Variants in TFCP2L1 observed in about 807,000 individuals in gnomAD.
The protein encoded by TFCP2L1 is transcription factor CP2 like 1, also known as transcription factor CP2-like protein 1.
A neutral mutation model predicts 72.2 loss-of-function variants in TFCP2L1; 12 were observed. That is an observed-to-expected ratio of 0.17 (90% CI 0.11 to 0.27). The LOEUF (loss-of-function observed/expected upper bound fraction) is 0.27. Ranked by LOEUF, TFCP2L1 falls within the 10% of genes least tolerant of loss-of-function variation. The pLI, the probability that TFCP2L1 is intolerant of heterozygous loss-of-function variation, is 1.00. For missense variants in TFCP2L1, 488 were observed against 624.6 expected (o/e 0.78, Z 2.33); for synonymous variants, 260 against 251.0 (o/e 1.04, Z -0.34).
chr2:121,251,669 CT>C (rs1463169508), intron 2 of TFCP2L1, among the ~76,000 whole-genome samples: 1 of 152,124 alleles, frequency 6.6e-6, no homozygotes, highest in Non-Finnish European at 1.5e-5. Flanking sequence ...TGCTGACAGG[CT>C]ATTTCAAGTG....
At chr2:121,246,092 G>A (rs915150912) in intron 6 of TFCP2L1, among the ~76,000 whole-genome samples, 3 of 152,218 alleles carry the variant, frequency 2.0e-5, no homozygotes, top group Non-Finnish European at 1.5e-5. Flanking sequence ...CCGGCAGACA[G>A]GGCCTACAGG....
rs539717232 is a variant in TFCP2L1 at position 121,266,626 on chromosome 2, G to T, written c.214+14494C>A. 3.3e-5 allele frequency among the ~76,000 whole-genome samples: 5 copies of T among 152,244 alleles called. No homozygotes were observed. In the South Asian group the frequency reaches 8.3e-4, roughly 25 times the overall value. ...GAGTGACTGTGTGTCTGTTTTTCCA[G>T]ATGGGTCATCAAGTCACGAAATGAA... On this transcript the variant is annotated intron_variant, in intron 2 of 14. Transcript: ENST00000263707.
rs1164009704 is a variant in TFCP2L1, at chr2:121,226,080, ACGG to A, written c.1342-470_1342-468del. 5.7e-3 allele frequency among the ~76,000 whole-genome samples: 759 copies of A among 133,264 alleles called. 24 individuals carry two copies. The highest frequency in any genetic ancestry group is 9.8e-3 in the Non-Finnish European group (598 of 61,250). 87.4% of individuals were successfully genotyped at this position (133,264 alleles called of 152,430 possible). ...CCACGGTGTCTACACACACGGGAAC[ACGG>A]TAAACACCACTGCCACGGTGTCTAC... On this transcript the variant is annotated intron_variant, in intron 13 of 14. Coordinates refer to ENST00000263707, the MANE Select transcript of TFCP2L1 (RefSeq NM_014553.3).
intron 1 of TFCP2L1, 96 bp from the exon 2 acceptor site, chr2:121,281,367 G>A (rs986860593): frequency 7.1e-6 from 10 of 1,412,902 alleles, no homozygotes; most frequent in Middle Eastern, 1.9e-4. Context: ...GACCACCGGG[G>A]CCCAGGGTGA....
intron 2 of TFCP2L1, 42 bp downstream of exon 2, chr2:121,281,078 T>C: frequency 6.2e-7 from 1 of 1,612,396 alleles, no homozygotes; most frequent in South Asian, 1.1e-5. Context: ...AGCTCCCCAC[T>C]ACTTCTGGGT....
chr2:121,225,431 GGA>G, intron 14 of TFCP2L1, 129 bp downstream of exon 14: 3 of 863,982 alleles, frequency 3.5e-6, no homozygotes, highest in South Asian at 1.5e-5. Flanking sequence ...TAGCTTTCAC[GGA>G]GAGTTTGTGC....
At chr2:121,239,957 A>G in intron 7 of TFCP2L1, 2 of 803,290 alleles carry the variant, frequency 2.5e-6, no homozygotes, top group Non-Finnish European at 3.0e-6. Context: ...TGGGTCCACG[A>G]GAGAGAAAAA....
At chr2:121,280,793 G>A (rs1476375865) in intron 2 of TFCP2L1, among the ~76,000 whole-genome samples, 2 of 97,738 alleles carry the variant, frequency 2.0e-5, no homozygotes, top group Non-Finnish European at 4.2e-5. Flanking sequence ...AAGAAAGAAA[G>A]AAAGAAGGAA....
intron 2 of TFCP2L1, among the ~76,000 whole-genome samples, chr2:121,265,386 G>A (rs140403100): frequency 1.6e-4 from 25 of 152,170 alleles, no homozygotes; most frequent in African/African-American, 5.3e-4. Context: ...TCTAAAATTA[G>A]TTGTGATGGC....
intron 7 of TFCP2L1, chr2:121,240,325 G>C (rs76386293): frequency 2.1e-5 from 21 of 985,066 alleles, no homozygotes; most frequent in Non-Finnish European, 2.4e-5. Flanking sequence ...AGGAAGCAAG[G>C]GTTTACAGGT....
chr2:121,222,367 ATCAT>A lies in TFCP2L1; in HGVS notation c.*1970_*1973del, dbSNP rs1214573136. On this transcript the variant is annotated 3_prime_UTR_variant, in exon 15 of 15. Transcript: ENST00000263707. ...CTTGTAGAAATATGTTCATAGCAGCATCATTCAGAGTAGCCAAAAAGTAAAAACA... is the reference window on the plus strand; with the variant it reads ...CTTGTAGAAATATGTTCATAGCAGCATCAGAGTAGCCAAAAAGTAAAAACA... The A allele has an allele frequency of 7.9e-5, 12 of 152,288 alleles. No homozygotes were observed. The highest frequency in any genetic ancestry group is 2.9e-4 in the African/African-American group (12 of 41,482). 9.4% of individuals were successfully genotyped at this position (152,288 alleles called of 1,614,324 possible).
At chr2:121,265,521 T>C (rs768772541) in intron 2 of TFCP2L1, among the ~76,000 whole-genome samples, 1 of 152,106 alleles carries the variant, frequency 6.6e-6, no homozygotes, top group Non-Finnish European at 1.5e-5. Flanking sequence ...TCTCACTCTG[T>C]CACCCAGGCT....
chr2:121,279,004 A>C (rs1204815881), intron 2 of TFCP2L1, among the ~76,000 whole-genome samples: 2 of 148,240 alleles, frequency 1.3e-5, no homozygotes, highest in African/African-American at 4.9e-5. Context: ...ACTCTGTCTC[A>C]AAAAAAAAAG....
At chr2:121,284,871 C>A (rs1051820391) in intron 1 of TFCP2L1, among the ~76,000 whole-genome samples, 177 bp downstream of exon 1, 1 of 152,108 alleles carries the variant, frequency 6.6e-6, no homozygotes, top group Non-Finnish European at 1.5e-5. Context: ...CGGGTCCCGC[C>A]GGCGTCCATC....
At chr2:121,264,751 C>G (rs1440876400) in intron 2 of TFCP2L1, among the ~76,000 whole-genome samples, 1 of 152,208 alleles carries the variant, frequency 6.6e-6, no homozygotes, top group Non-Finnish European at 1.5e-5. Context: ...CTTTGGGACA[C>G]TCTGCTTTAT....
intron 2 of TFCP2L1, among the ~76,000 whole-genome samples, chr2:121,279,182 T>A (rs1687207091): frequency 6.6e-6 from 1 of 152,000 alleles, no homozygotes; most frequent in South Asian, 2.1e-4. Context: ...AAGAACCACA[T>A]CAAAGCTCAA....
intron 7 of TFCP2L1, among the ~76,000 whole-genome samples, chr2:121,241,536 C>T (rs1686367917): frequency 6.6e-6 from 1 of 151,740 alleles, no homozygotes; most frequent in East Asian, 1.9e-4. Flanking sequence ...GAAGAGCGAG[C>T]TCCTCAGGAG....
At position 121,223,336 on chromosome 2, in the gene TFCP2L1, T is replaced by C. The variant is rs1038702475; in HGVS notation, c.*1005A>G. On this transcript the variant is annotated 3_prime_UTR_variant, in exon 15 of 15. Transcript: ENST00000263707. ...CCATTCTGATGCAGGCAAAATATCCTAAACATAGCCTCTACAAACAAAGAT... is the reference window on the plus strand; with the variant it reads ...CCATTCTGATGCAGGCAAAATATCCCAAACATAGCCTCTACAAACAAAGAT... 2 of 152,200 alleles carry C rather than the reference T, an allele frequency of 1.3e-5. No homozygotes were observed. Among genetic ancestry groups the C allele is most frequent in the Non-Finnish European group, 2.9e-5 (2 of 68,032 alleles). The allele number at this position is 152,200 out of a possible 1,614,324, so 9.4% of individuals were successfully genotyped here. A position where few individuals can be genotyped will look rare whatever the true frequency, so the allele number is the denominator to read the frequency against.
intron 2 of TFCP2L1, among the ~76,000 whole-genome samples, chr2:121,256,096 C>T (rs971046380): frequency 3.3e-5 from 5 of 152,140 alleles, no homozygotes; most frequent in African/African-American, 1.2e-4. Flanking sequence ...CACATCTAAA[C>T]CCTCCCGCTT....
Sources: gnomAD v4.1 joint callset for allele counts (sites outside exome capture counted in the v4.1 genomes callset) on GRCh38, gnomAD v4.1.1 for gene constraint, MANE v1.5 for transcripts, NCBI Gene and HGNC (gene_info 2026-07-23, HGNC 2026-07-21) for gene names.